TTC8: variants seen among roughly 807,000 people sequenced by gnomAD.
TTC8 encodes the protein tetratricopeptide repeat protein 8.
A neutral mutation model predicts 72.5 loss-of-function variants in TTC8; 47 were observed. That is an observed-to-expected ratio of 0.65 (90% confidence interval 0.51 to 0.83). TTC8 has a LOEUF of 0.83. Among genes scored for constraint, TTC8 ranks in the 40% least tolerant of loss-of-function variants. The pLI is 0.00. For synonymous variants in TTC8, 199 were observed against 221.4 expected (o/e 0.90, Z 0.90); for missense variants, 611 against 623.2 (o/e 0.98, Z 0.21).
At position 88,871,152 on chromosome 14, in the gene TTC8, G is replaced by A. The variant is rs79106813; in HGVS notation, c.1050-397G>A. 6.0e-3 allele frequency among the ~76,000 whole-genome samples: 914 copies of A among 152,300 alleles called. 7 individuals are homozygous for A. The highest frequency in any genetic ancestry group is 0.021 in the African/African-American group (868 of 41,554). On this transcript the variant is annotated intron_variant, in intron 11 of 14. Coordinates refer to ENST00000380656, the MANE Select transcript of TTC8 (RefSeq NM_144596.4). This position sits in a 1 kb window ranked among gnomAD's most constrained non-coding sequence, Gnocchi z 4.1. ...AAACGGGATCCAGTCAGCTGAAAAC[G>A]TAGAGGTTAATGCTAAACGCAGTCC... is the stretch of plus-strand genomic sequence containing the variant.
chr14:88,844,148 T>C (rs1223511765), intron 7 of TTC8, among the ~76,000 whole-genome samples: 1 of 152,146 alleles, frequency 6.6e-6, no homozygotes, highest in Non-Finnish European at 1.5e-5. Context: ...ATGCTAATGG[T>C]GTTGTTGATC....
chr14:88,863,243 TCATAGTACTCAGCCAG>T (rs2094896376), intron 10 of TTC8, among the ~76,000 whole-genome samples: 2 of 152,202 alleles, frequency 1.3e-5, no homozygotes, highest in Admixed American at 1.3e-4. Flanking sequence ...TTACTGGGAC[TCATAGTACTCAGCCAG>T]CAGTTGTACT....
chr14:88,827,323 A>G (rs886248078), intron 1 of TTC8, among the ~76,000 whole-genome samples: 2 of 152,264 alleles, frequency 1.3e-5, no homozygotes, highest in African/African-American at 4.8e-5. Context: ...TTTTATTTTT[A>G]TGAGCAAGGG....
chr14:88,824,429 T>A (rs2094688679), upstream of TTC8: 4 of 459,368 alleles, frequency 8.7e-6, no homozygotes, highest in East Asian at 1.3e-4. Flanking sequence ...TCTAACTCAC[T>A]ACCTTTTTGT....
At chr14:88,841,320 T>C in intron 5 of TTC8, 105 bp from the exon 6 acceptor site, 1 of 1,582,664 alleles carries the variant, frequency 6.3e-7, no homozygotes, top group East Asian at 2.3e-5. Context: ...TTTTTGAAGG[T>C]GATTATTTTT....
At chr14:88,858,754 A>ATTTT (rs138871136) in intron 9 of TTC8, among the ~76,000 whole-genome samples, 3 of 86,906 alleles carry the variant, frequency 3.5e-5, no homozygotes, top group African/African-American at 1.1e-4. Context: ...TGCCTGGATA[A>ATTTT]TTTTTTTTTT....
In TTC8 at chr14:88,871,801, C is replaced by T; in HGVS notation, c.1224+78C>T. The T allele has an allele frequency of 6.5e-7, 1 of 1,536,344 alleles. No individual in the cohort carries two copies. The highest frequency in any genetic ancestry group is 9.0e-7 in the Non-Finnish European group (1 of 1,113,116). ...ACACAGTGGCTCATGCCTATAATTC[C>T]AGCATTTTGGGAGGCTGAAGCAGGA... On this transcript the variant is annotated intron_variant, in intron 12 of 14. Transcript: ENST00000380656. The surrounding 1 kb of genome is among the most constrained non-coding windows in gnomAD (Gnocchi z 4.1).
At chr14:88,838,130 C>CT (rs371697511) in intron 2 of TTC8, among the ~76,000 whole-genome samples, 5 of 151,892 alleles carry the variant, frequency 3.3e-5, no homozygotes, top group African/African-American at 7.3e-5. Context: ...TGATGTTATT[C>CT]TTTTTTTTGT....
chr14:88,831,026 T>C, intron 1 of TTC8: 1 of 402,500 alleles, frequency 2.5e-6, no homozygotes, highest in South Asian at 1.8e-5. Flanking sequence ...ACTGCCTCTA[T>C]ACCTTTGAGG....
chr14:88,854,579 T>C (rs1269317903), intron 8 of TTC8, among the ~76,000 whole-genome samples: 1 of 152,212 alleles, frequency 6.6e-6, no homozygotes, highest in African/African-American at 2.4e-5. Context: ...TTTGAATATA[T>C]TTAATGAGAT....
chr14:88,825,904 G>C (rs1277090201), intron 1 of TTC8, among the ~76,000 whole-genome samples: 1 of 152,162 alleles, frequency 6.6e-6, no homozygotes, highest in African/African-American at 2.4e-5. Context: ...GCTAGGTTCT[G>C]TTGTTAGTTC....
intron 2 of TTC8, among the ~76,000 whole-genome samples, chr14:88,839,106 G>A (rs758119595): frequency 7.9e-5 from 12 of 152,186 alleles, no homozygotes; most frequent in Non-Finnish European, 1.8e-4. Context: ...AAGGCAGAAA[G>A]AACAATGTGG....
intron 7 of TTC8, among the ~76,000 whole-genome samples, chr14:88,848,017 G>A (rs1334980380): frequency 1.3e-5 from 2 of 151,350 alleles, no homozygotes; most frequent in East Asian, 3.9e-4. Context: ...CAGCTACTCA[G>A]GAGGCTGAGG....
chr14:88,830,773 A>C, intron 1 of TTC8: 1 of 443,794 alleles, frequency 2.3e-6, no homozygotes, highest in Admixed American at 2.4e-5. Context: ...TTTAAATCAC[A>C]GAACTACAAC....
chr14:88,851,317 T>C (rs1354766731), intron 7 of TTC8, among the ~76,000 whole-genome samples: 1 of 152,208 alleles, frequency 6.6e-6, no homozygotes. Flanking sequence ...CAATAATTTA[T>C]ATTAATATCC....
intron 7 of TTC8, chr14:88,846,561 A>G: frequency 8.6e-7 from 1 of 1,164,334 alleles, no homozygotes; most frequent in East Asian, 2.6e-5. Context: ...ATCATAAGCC[A>G]TTTGTAGGTC....
At chr14:88,868,701 CTT>C (rs1015615416) in intron 10 of TTC8, among the ~76,000 whole-genome samples, 17 of 152,148 alleles carry the variant, frequency 1.1e-4, no homozygotes, top group African/African-American at 4.1e-4. Flanking sequence ...TATATGGAAA[CTT>C]GGGTAATTAC....
intron 9 of TTC8, among the ~76,000 whole-genome samples, chr14:88,858,004 C>G (rs985985876): frequency 6.6e-6 from 1 of 151,646 alleles, no homozygotes; most frequent in Non-Finnish European, 1.5e-5. Context: ...CTCTGTTGCC[C>G]AGGCTGGAGT....
intron 2 of TTC8, among the ~76,000 whole-genome samples, chr14:88,836,641 G>C (rs1399390696): frequency 4.6e-5 from 7 of 152,066 alleles, no homozygotes; most frequent in Non-Finnish European, 8.8e-5. Flanking sequence ...CGTCAGTTGG[G>C]GGATGGATGT....
Sources: allele counts gnomAD v4.1 joint callset (sites outside exome capture counted in the v4.1 genomes callset), GRCh38; gene constraint gnomAD v4.1.1; non-coding constraint Gnocchi (gnomAD v3.1); transcripts MANE v1.5; gene names NCBI Gene and HGNC (gene_info 2026-07-23, HGNC 2026-07-21).